The following ADARB2 variants were observed in gnomAD, a reference collection of about 807,000 sequenced individuals.
The protein encoded by ADARB2 is adenosine deaminase RNA specific B2 (inactive).
Under a neutral mutation model 62.2 loss-of-function variants are expected in ADARB2, and 25 were observed. The observed-to-expected ratio is 0.40, with a 90% CI of 0.29 to 0.56. ADARB2 has a LOEUF of 0.56. Ranked by LOEUF, ADARB2 falls within the 20% of genes least tolerant of loss-of-function variation. ADARB2 has a pLI of 0.43. For synonymous variants in ADARB2, 572 were observed against 500.8 expected, an observed-to-expected ratio of 1.14 and a Z score of -1.90; for missense variants, 1,071 against 1,077.4, an observed-to-expected ratio of 0.99 and a Z score of 0.08.
At chr10:1,185,324 C>T (rs12254454) in intron 8 of ADARB2, among the ~76,000 whole-genome samples, 2 of 152,216 alleles carry the variant, frequency 1.3e-5, no homozygotes, top group Non-Finnish European at 2.9e-5. Flanking sequence ...ATTCCCCCCC[C>T]TTCTGTAAAT....
chr10:1,357,452 C>T (rs1407959089), intron 3 of ADARB2, among the ~76,000 whole-genome samples: 7 of 151,540 alleles, frequency 4.6e-5, no homozygotes, highest in Non-Finnish European at 1.0e-4. Flanking sequence ...CCTCCTTTCT[C>T]ACTTTTCAGT....
chr10:1,650,321 A>G (rs1323805665), intron 1 of ADARB2, among the ~76,000 whole-genome samples: 1 of 152,176 alleles, frequency 6.6e-6, no homozygotes, highest in East Asian at 1.9e-4. Flanking sequence ...TGGGTTTGCA[A>G]GGGGAGCCTC....
At chr10:1,486,490 T>G (rs183205436) in intron 1 of ADARB2, among the ~76,000 whole-genome samples, 41 of 152,338 alleles carry the variant, frequency 2.7e-4, no homozygotes, top group Non-Finnish European at 5.1e-4. Context: ...CTTTAGGGAC[T>G]GGCTGTGTCT....
In ADARB2 at chr10:1,354,417, T is replaced by C. The variant is rs976609206; in HGVS notation, c.1077+8611A>G. Among the ~76,000 whole-genome samples, 10 of 152,104 alleles carry C rather than the reference T, an allele frequency of 6.6e-5. No individual in the cohort carries two copies. In the South Asian group the frequency reaches 1.5e-3, roughly 22 times the overall value. On this transcript the variant is annotated intron_variant, in intron 3 of 9. Transcript: ENST00000381312. ...CCCACCAGAGAACAGCCCCCCTTTTTCCTTTACCTACCCAAATCCTATAAA... is the reference window on the plus strand; with the variant it reads ...CCCACCAGAGAACAGCCCCCCTTTTCCCTTTACCTACCCAAATCCTATAAA...
chr10:1,514,576 G>C (rs1554767906), intron 1 of ADARB2, among the ~76,000 whole-genome samples: 1 of 152,024 alleles, frequency 6.6e-6, no homozygotes, highest in Non-Finnish European at 1.5e-5. Flanking sequence ...TCCAGATCTG[G>C]GATGTCCTGC....
chr10:1,470,735 A>C (rs1831310318), intron 1 of ADARB2, among the ~76,000 whole-genome samples: 1 of 152,268 alleles, frequency 6.6e-6, no homozygotes. Flanking sequence ...CAGAGAAAAG[A>C]GAACCTATAA....
intron 1 of ADARB2, among the ~76,000 whole-genome samples, chr10:1,610,556 C>T (rs1311478906): frequency 6.6e-6 from 1 of 152,160 alleles, no homozygotes; most frequent in Non-Finnish European, 1.5e-5. Context: ...AGGTGCCTGC[C>T]GGGGTCCTCA....
At chr10:1,676,007 G>T (rs1004069693) in intron 1 of ADARB2, 4 of 985,298 alleles carry the variant, frequency 4.1e-6, no homozygotes, top group Non-Finnish European at 4.8e-6. Flanking sequence ...CCCGACTTTG[G>T]TAAGAGGCTG....
At chr10:1,707,239 C>T (rs1305235880) in intron 1 of ADARB2, among the ~76,000 whole-genome samples, 7 of 152,222 alleles carry the variant, frequency 4.6e-5, no homozygotes, top group Non-Finnish European at 8.8e-5. Flanking sequence ...TGCCCATAGG[C>T]GCCTCCTTTC....
rs867667184 is a variant in ADARB2, at chr10:1,558,734, A to G, written c.100+178317T>C. Among the ~76,000 whole-genome samples the G allele has an allele frequency of 1.6e-3, 96 of 60,502 alleles. 1 individual carries two copies. Among genetic ancestry groups the G allele is most frequent in the Middle Eastern group, 0.024 (2 of 84 alleles). The allele number at this position is 60,502 out of a possible 152,430, so 39.7% of individuals were successfully genotyped here. A position where few individuals can be genotyped will look rare whatever the true frequency, so the allele number is the denominator to read the frequency against. ...TGGGTGCTCAGCCCCCGCATGCTCCATCTAAACTCGAATCCCACCTCCGCC... is the reference window on the plus strand; with the variant it reads ...TGGGTGCTCAGCCCCCGCATGCTCCGTCTAAACTCGAATCCCACCTCCGCC... On this transcript the variant is annotated intron_variant, in intron 1 of 9. Coordinates refer to ENST00000381312, the MANE Select transcript of ADARB2 (RefSeq NM_018702.4).
intron 3 of ADARB2, among the ~76,000 whole-genome samples, chr10:1,273,691 A>G (rs1377446328): frequency 6.6e-6 from 1 of 152,294 alleles, no homozygotes; most frequent in African/African-American, 2.4e-5. Flanking sequence ...TGGAGCCCCA[A>G]CAGGCCTCAG....
chr10:1,308,002 G>A (rs2131821277), intron 3 of ADARB2, among the ~76,000 whole-genome samples: 1 of 148,564 alleles, frequency 6.7e-6, no homozygotes, highest in East Asian at 2.0e-4. Context: ...AGTGGGTGCA[G>A]CACACCAGCA....
intron 1 of ADARB2, among the ~76,000 whole-genome samples, chr10:1,478,605 C>G (rs991485659): frequency 2.0e-5 from 3 of 151,528 alleles, no homozygotes; most frequent in Non-Finnish European, 4.4e-5. Flanking sequence ...AACAAGGACC[C>G]TCAGATGGGA....
chr10:1,337,333 G>C (rs1589196475), intron 3 of ADARB2, among the ~76,000 whole-genome samples: 2 of 152,312 alleles, frequency 1.3e-5, no homozygotes, highest in South Asian at 4.1e-4. Flanking sequence ...ACTGCAATCA[G>C]AGAAGGTGCA....
At chr10:1,297,548 A>G (rs961737216) in intron 3 of ADARB2, among the ~76,000 whole-genome samples, 3 of 152,134 alleles carry the variant, frequency 2.0e-5, no homozygotes, top group African/African-American at 7.2e-5. Flanking sequence ...CCTCTGACCC[A>G]GAGACCCCCG....
intron 3 of ADARB2, among the ~76,000 whole-genome samples, chr10:1,301,194 C>T (rs775871889): frequency 9.8e-5 from 15 of 152,292 alleles, no homozygotes; most frequent in South Asian, 2.1e-4. Context: ...CAGGTCCACA[C>T]GGTTATGGAC....
At chr10:1,687,763 C>T (rs577780944) in intron 1 of ADARB2, among the ~76,000 whole-genome samples, 6 of 152,020 alleles carry the variant, frequency 3.9e-5, no homozygotes, top group Non-Finnish European at 7.4e-5. Flanking sequence ...GATTCAGGGC[C>T]GGGCAGGAGG....
rs765680338 is a variant in ADARB2, at chr10:1,200,033, C to A, written c.1797G>T (p.Met599Ile). The A allele has an allele frequency of 1.3e-6, 2 of 1,595,926 alleles. No homozygotes were observed. Among genetic ancestry groups the A allele is most frequent in the Non-Finnish European group, 1.7e-6 (2 of 1,176,284 alleles). Residue 599 changes from methionine to isoleucine, a missense_variant, in exon 8 of 10, where the codon ATG (methionine) becomes ATT (isoleucine). Coordinates refer to ENST00000381312, the MANE Select transcript of ADARB2 (RefSeq NM_018702.4). ...LHHTGHLARVMSHRMEGVGQL... is the reference protein window; with the variant it reads ...LHHTGHLARVISHRMEGVGQL... ...GGCCGACACCCTCCATGCGGTGGCT[C>A]ATGACGCGTGCGAGGTGGCCCGTGT...
At chr10:1,584,920 A>G (rs1006833339) in intron 1 of ADARB2, among the ~76,000 whole-genome samples, 3 of 152,202 alleles carry the variant, frequency 2.0e-5, no homozygotes, top group African/African-American at 7.2e-5. Flanking sequence ...GCAGACAATG[A>G]AAAGATCAGG....
Sources: gnomAD v4.1 joint callset for allele counts (sites outside exome capture counted in the v4.1 genomes callset) on GRCh38, gnomAD v4.1.1 for gene constraint, MANE v1.5 for transcripts, NCBI Gene and HGNC (gene_info 2026-07-23, HGNC 2026-07-21) for gene names.